Variants in PRDM5 observed in about 807,000 individuals in gnomAD.
PRDM5 encodes PR/SET domain 5.
In PRDM5, 56 loss-of-function variants were observed where a neutral mutation model predicts 81.2. That is an observed-to-expected ratio of 0.69 (90% CI 0.56 to 0.86). The LOEUF is 0.86. Ranked by LOEUF, PRDM5 falls within the 40% of genes least tolerant of loss-of-function variation. PRDM5 has a pLI of 0.00. For missense variants in PRDM5, 697 were observed against 770.1 expected, an observed-to-expected ratio of 0.91 and a Z score of 1.12; for synonymous variants, 267 against 256.4, an observed-to-expected ratio of 1.04 and a Z score of -0.39.
At chr4:120,764,294 T>C (rs1408330176) in intron 13 of PRDM5, among the ~76,000 whole-genome samples, 2 of 152,212 alleles carry the variant, frequency 1.3e-5, no homozygotes, top group South Asian at 2.1e-4. Flanking sequence ...TCTATCTTAT[T>C]AGTCTCTGTG....
intron 14 of PRDM5, among the ~76,000 whole-genome samples, chr4:120,714,550 T>C (rs1459886287): frequency 6.6e-6 from 1 of 152,200 alleles, no homozygotes; most frequent in Non-Finnish European, 1.5e-5. Context: ...CAACGCATGT[T>C]GTTTATGCCT....
intron 7 of PRDM5, chr4:120,812,816 T>C (rs911238068): frequency 2.8e-6 from 1 of 358,364 alleles, no homozygotes; most frequent in Non-Finnish European, 5.4e-6. Flanking sequence ...GTACTAATAC[T>C]GTATAGTATT....
At chr4:120,838,251 A>T (rs986691375) in intron 3 of PRDM5, 1 of 152,150 alleles carries the variant, frequency 6.6e-6, no homozygotes, top group Non-Finnish European at 1.5e-5. Context: ...TCCTTTCCTC[A>T]AGCTGTCTTT....
intron 14 of PRDM5, among the ~76,000 whole-genome samples, chr4:120,752,397 G>A (rs184117499): frequency 1.3e-5 from 2 of 152,172 alleles, no homozygotes; most frequent in African/African-American, 2.4e-5. Context: ...ATTACTCATT[G>A]TGGGGGATCC....
chr4:120,801,849 A>T (rs904503432), intron 8 of PRDM5, among the ~76,000 whole-genome samples: 3 of 151,642 alleles, frequency 2.0e-5, no homozygotes, highest in African/African-American at 7.3e-5. Context: ...GTAAGAGCAG[A>T]TTTATATTCT....
intron 14 of PRDM5, among the ~76,000 whole-genome samples, chr4:120,743,369 A>G (rs1290504200): frequency 6.6e-6 from 1 of 151,668 alleles, no homozygotes; most frequent in African/African-American, 2.4e-5. Flanking sequence ...AAACTGCATC[A>G]ACTAACGAGC....
chr4:120,724,467 G>T (rs931995602), intron 14 of PRDM5, among the ~76,000 whole-genome samples: 1 of 152,192 alleles, frequency 6.6e-6, no homozygotes, highest in African/African-American at 2.4e-5. Flanking sequence ...TAGGAGTACA[G>T]AGAATGAAGT....
intron 14 of PRDM5, among the ~76,000 whole-genome samples, chr4:120,747,326 C>T (rs1429604213): frequency 6.7e-6 from 1 of 149,014 alleles, no homozygotes; most frequent in South Asian, 2.1e-4. Context: ...GGAGATATAC[C>T]TAATGCTAGA....
intron 2 of PRDM5, among the ~76,000 whole-genome samples, chr4:120,900,183 G>A (rs1331067835): frequency 6.6e-6 from 1 of 152,084 alleles, no homozygotes; most frequent in Non-Finnish European, 1.5e-5. Flanking sequence ...ACTGATATTA[G>A]TCACTAGTAT....
intron 14 of PRDM5, among the ~76,000 whole-genome samples, chr4:120,742,822 T>C (rs367864310): frequency 6.6e-6 from 1 of 151,856 alleles, no homozygotes; most frequent in African/African-American, 2.4e-5. Context: ...CTGAAAGTGA[T>C]GGGGAGAATG....
chr4:120,780,960 T>C lies in PRDM5; in HGVS notation c.1443+183A>G, dbSNP rs532825536. 7.2e-5 allele frequency among the ~76,000 whole-genome samples: 11 copies of C among 152,204 alleles called. No homozygotes were observed. In the East Asian group the frequency reaches 2.1e-3, roughly 29 times the overall value. On this transcript the variant is annotated intron_variant, in intron 12 of 15. Transcript: ENST00000264808. ...TCAGGTTCTCATTCATGGAAAAAAA[T>C]AGGTCTATCCTGAAAGATGAAGAAA...
intron 3 of PRDM5, among the ~76,000 whole-genome samples, chr4:120,836,219 G>GA (rs780849568): frequency 2.4e-4 from 37 of 152,134 alleles, no homozygotes; most frequent in Non-Finnish European, 4.1e-4. Flanking sequence ...TCTATTTTAG[G>GA]AAAAAAGAAT....
At chr4:120,900,181 T>C (rs1372180578) in intron 2 of PRDM5, among the ~76,000 whole-genome samples, 2 of 152,114 alleles carry the variant, frequency 1.3e-5, no homozygotes, top group Admixed American at 6.5e-5. Flanking sequence ...TGACTGATAT[T>C]AGTCACTAGT....
intron 1 of PRDM5, among the ~76,000 whole-genome samples, chr4:120,912,995 C>T (rs547405306): frequency 6.6e-6 from 1 of 152,232 alleles, no homozygotes; most frequent in Admixed American, 6.5e-5. Context: ...CTTAAAAGTT[C>T]AATGTGAAAA....
chr4:120,717,718 G>A (rs1052252278), intron 14 of PRDM5, among the ~76,000 whole-genome samples: 4 of 152,132 alleles, frequency 2.6e-5, no homozygotes, highest in East Asian at 1.9e-4. Flanking sequence ...GGTCAACCTC[G>A]GATCCCTGGA....
chr4:120,744,738 T>C (rs1398593304), intron 14 of PRDM5, among the ~76,000 whole-genome samples: 2 of 150,840 alleles, frequency 1.3e-5, no homozygotes, highest in Non-Finnish European at 3.0e-5. Context: ...CAGGAAGAAG[T>C]TGAATCTCTG....
intron 14 of PRDM5, among the ~76,000 whole-genome samples, chr4:120,750,719 C>CGT (rs1553958104): frequency 7.6e-6 from 1 of 131,484 alleles, no homozygotes; most frequent in African/African-American, 2.8e-5. Context: ...CACACACACA[C>CGT]GCGCACACAA....
At chr4:120,705,245 G>GT (rs1420131890) in intron 15 of PRDM5, among the ~76,000 whole-genome samples, 1 of 152,166 alleles carries the variant, frequency 6.6e-6, no homozygotes, top group African/African-American at 2.4e-5. Flanking sequence ...GCCAGGCACT[G>GT]TTCTAGGCTT....
At chr4:120,921,714 T>G (rs1262291611) in intron 1 of PRDM5, among the ~76,000 whole-genome samples, 2 of 152,228 alleles carry the variant, frequency 1.3e-5, no homozygotes, top group Admixed American at 6.5e-5. Flanking sequence ...TCCAAAGAGC[T>G]GGACTTTTCC....
Sources: allele counts gnomAD v4.1 joint callset (sites outside exome capture counted in the v4.1 genomes callset), GRCh38; gene constraint gnomAD v4.1.1; transcripts MANE v1.5; gene names NCBI Gene and HGNC (gene_info 2026-07-23, HGNC 2026-07-21).